The following HCRTR2 variants were observed in gnomAD, a reference collection of about 807,000 sequenced individuals.
HCRTR2 encodes the protein orexin receptor type 2.
A neutral mutation model predicts 49.0 loss-of-function variants in HCRTR2; 22 were observed. That is an observed-to-expected ratio of 0.45 (90% CI 0.32 to 0.64). The LOEUF is 0.64. HCRTR2 is among the 30% of genes least tolerant of loss of function. HCRTR2 has a pLI of 0.04. For synonymous variants in HCRTR2, 236 were observed against 205.3 expected, an observed-to-expected ratio of 1.15 and a Z score of -1.28; for missense variants, 491 against 559.4, an observed-to-expected ratio of 0.88 and a Z score of 1.23.
At chr6:55,193,282 A>G (rs1765352407) in intron 1 of HCRTR2, among the ~76,000 whole-genome samples, 1 of 152,118 alleles carries the variant, frequency 6.6e-6, no homozygotes, top group African/African-American at 2.4e-5. Context: ...ACTACTAAAG[A>G]GATATAAACA....
At chr6:55,171,602 A>G (rs1357783883), upstream of HCRTR2, among the ~76,000 whole-genome samples, 1 of 152,242 alleles carries the variant, frequency 6.6e-6, no homozygotes, top group Non-Finnish European at 1.5e-5. Context: ...ATATTTTATG[A>G]CATTGGAGTA....
At chr6:55,113,957 C>A (rs548464555) in intron 1 of HCRTR2, among the ~76,000 whole-genome samples, 1 of 151,800 alleles carries the variant, frequency 6.6e-6, no homozygotes, top group South Asian at 2.1e-4. Context: ...TACTACTCAG[C>A]CATAAAAAGG....
chr6:55,243,455 TTATGTC>T (rs1766372303), intron 1 of HCRTR2, among the ~76,000 whole-genome samples: 1 of 152,184 alleles, frequency 6.6e-6, no homozygotes, highest in African/African-American at 2.4e-5. Flanking sequence ...ATAGCCTACT[TTATGTC>T]TAAGAGAATA....
At chr6:55,141,470 A>G (rs1056056304) in intron 1 of HCRTR2, among the ~76,000 whole-genome samples, 4 of 152,204 alleles carry the variant, frequency 2.6e-5, no homozygotes, top group African/African-American at 9.6e-5. Context: ...AGAAGAAGAG[A>G]TACATATAAA....
intron 4 of HCRTR2, among the ~76,000 whole-genome samples, chr6:55,270,465 C>T (rs534460150): frequency 6.6e-6 from 1 of 152,254 alleles, no homozygotes; most frequent in South Asian, 2.1e-4. Context: ...AGGTTACCAA[C>T]ACAGTCCTTG....
At chr6:55,204,468 T>C (rs912688284) in intron 1 of HCRTR2, among the ~76,000 whole-genome samples, 1 of 152,180 alleles carries the variant, frequency 6.6e-6, no homozygotes, top group Non-Finnish European at 1.5e-5. Flanking sequence ...GAATCTTCTA[T>C]ACAAACCTGA....
At position 55,217,967 on chromosome 6, in the gene HCRTR2, G is replaced by A. The variant is rs562561082; in HGVS notation, c.224-30672G>A. Among the ~76,000 whole-genome samples the A allele has an allele frequency of 5.4e-4, 83 of 152,306 alleles. 1 individual carries two copies. Among genetic ancestry groups the A allele is most frequent in the Middle Eastern group, 6.8e-3 (2 of 292 alleles). ...CAGAAGGGGATTTGTTAGGGAAATT[G>A]GCTCACACAGTTATGGAGACTGAAA... On this transcript the variant is annotated intron_variant, in intron 1 of 6. Transcript: ENST00000370862.
chr6:55,265,992 T>C (rs1435185274), intron 4 of HCRTR2, among the ~76,000 whole-genome samples: 1 of 152,004 alleles, frequency 6.6e-6, no homozygotes, highest in Admixed American at 6.6e-5. Context: ...AGACAGAAAC[T>C]AAAAACCAGG....
At chr6:55,129,502 A>T (rs1764325215) in intron 1 of HCRTR2, among the ~76,000 whole-genome samples, 1 of 152,130 alleles carries the variant, frequency 6.6e-6, no homozygotes, top group African/African-American at 2.4e-5. Flanking sequence ...TAAAATAGTG[A>T]TGGAACATTG....
intron 1 of HCRTR2, among the ~76,000 whole-genome samples, chr6:55,111,545 C>T (rs547757591): frequency 1.6e-4 from 24 of 151,868 alleles, no homozygotes; most frequent in Non-Finnish European, 2.9e-4. Context: ...AACTAGAAAA[C>T]CTAGAGGAGA....
intron 1 of HCRTR2, among the ~76,000 whole-genome samples, chr6:55,189,852 T>C (rs1196094255): frequency 1.3e-5 from 2 of 152,152 alleles, no homozygotes; most frequent in Non-Finnish European, 2.9e-5. Context: ...GTTTTTTTCT[T>C]AAAATGGGAA....
intron 1 of HCRTR2, among the ~76,000 whole-genome samples, chr6:55,162,180 A>G (rs59417065): frequency 0.25 from 37,507 of 152,134 alleles, 5,045 homozygotes; most frequent in East Asian, 0.5. Context: ...AGGCTTGTTC[A>G]ACATACGAAA....
At chr6:55,136,907 G>T (rs1461161198) in intron 1 of HCRTR2, among the ~76,000 whole-genome samples, 2 of 152,150 alleles carry the variant, frequency 1.3e-5, no homozygotes, top group African/African-American at 4.8e-5. Flanking sequence ...TCTGGAACTT[G>T]ATGTGTCCTC....
intron 3 of HCRTR2, among the ~76,000 whole-genome samples, chr6:55,255,706 C>T (rs9396076): frequency 0.17 from 26,323 of 151,922 alleles, 2,778 homozygotes; most frequent in Non-Finnish European, 0.24. Context: ...AATACAAATC[C>T]GATTATGTAT....
chr6:55,176,760 C>A (rs1178330687), intron 1 of HCRTR2, among the ~76,000 whole-genome samples: 1 of 152,136 alleles, frequency 6.6e-6, no homozygotes, highest in African/African-American at 2.4e-5. Flanking sequence ...AGAATAGATT[C>A]TCTGCTCCTG....
chr6:55,202,356 C>G (rs1765526153), intron 1 of HCRTR2, among the ~76,000 whole-genome samples: 1 of 152,130 alleles, frequency 6.6e-6, no homozygotes, highest in Non-Finnish European at 1.5e-5. Context: ...TAAATACAAC[C>G]TATGCTCTCT....
intron 1 of HCRTR2, among the ~76,000 whole-genome samples, chr6:55,169,357 A>G (rs1222400736): frequency 1.3e-5 from 2 of 151,744 alleles, no homozygotes; most frequent in African/African-American, 2.4e-5. Flanking sequence ...GAGGTAATAG[A>G]AAGATTGGAG....
chr6:55,159,939 C>T (rs1355523906), intron 1 of HCRTR2, among the ~76,000 whole-genome samples: 1 of 152,122 alleles, frequency 6.6e-6, no homozygotes, highest in Admixed American at 6.5e-5. Context: ...GGAGAACATC[C>T]ACAACCTAGC....
intron 1 of HCRTR2, among the ~76,000 whole-genome samples, chr6:55,205,142 C>T (rs538648600): frequency 1.4e-4 from 21 of 152,200 alleles, no homozygotes; most frequent in African/African-American, 4.8e-4. Flanking sequence ...AAGAAGTCAA[C>T]TAGAATATAT....
Sources: gnomAD v4.1 joint callset for allele counts (sites outside exome capture counted in the v4.1 genomes callset) on GRCh38, gnomAD v4.1.1 for gene constraint, MANE v1.5 for transcripts, NCBI Gene and HGNC (gene_info 2026-07-23, HGNC 2026-07-21) for gene names.